COL9A1: variants seen among roughly 807,000 people sequenced by gnomAD.
COL9A1 encodes collagen type IX alpha 1 chain.
Under a neutral mutation model 142.6 loss-of-function variants are expected in COL9A1, and 104 were observed. The ratio of observed to expected loss-of-function variants is 0.73; its 90% CI spans 0.62 to 0.86. The LOEUF is 0.86. Among genes scored for constraint, COL9A1 ranks in the 40% least tolerant of loss-of-function variants. COL9A1 has a pLI of 0.00. For synonymous variants in COL9A1, 466 were observed against 396.0 expected (o/e 1.18, Z -2.10); for missense variants, 1,210 against 1,176.6 (o/e 1.03, Z -0.42).
chr6:70,242,274 A>C, intron 29 of COL9A1: 1 of 593,126 alleles, frequency 1.7e-6, no homozygotes. Flanking sequence ...CCTTGGCAAC[A>C]GTAGGCTTTT....
chr6:70,268,966 C>A (rs1281159036), intron 16 of COL9A1, 106 bp from the exon 17 acceptor site: 1 of 848,482 alleles, frequency 1.2e-6, no homozygotes, highest in Non-Finnish European at 2.0e-6. Flanking sequence ...AGTTACAGAA[C>A]TCCATTGCAA....
intron 4 of COL9A1, among the ~76,000 whole-genome samples, 160 bp downstream of exon 4, chr6:70,299,883 T>C (rs1773991891): frequency 6.6e-6 from 1 of 152,216 alleles, no homozygotes; most frequent in African/African-American, 2.4e-5. Context: ...AAATGCAGTA[T>C]TAAGGTACTG....
At chr6:70,275,543 T>G (rs940996976) in intron 10 of COL9A1, among the ~76,000 whole-genome samples, 1 of 152,082 alleles carries the variant, frequency 6.6e-6, no homozygotes, top group African/African-American at 2.4e-5. Context: ...TTCTAAACAT[T>G]CTCATTTTCC....
intron 37 of COL9A1, among the ~76,000 whole-genome samples, chr6:70,218,817 A>C (rs1768696130): frequency 6.6e-6 from 1 of 151,184 alleles, no homozygotes; most frequent in Admixed American, 6.6e-5. Flanking sequence ...CCTCTGGTGC[A>C]TACACTTCGA....
intron 10 of COL9A1, chr6:70,280,558 C>G: frequency 1.4e-6 from 2 of 1,395,208 alleles, no homozygotes; most frequent in Non-Finnish European, 1.9e-6. Context: ...GACAGGAAGC[C>G]AGTACCCGCT....
chr6:70,236,146 A>G (rs1769896335), intron 33 of COL9A1, among the ~76,000 whole-genome samples: 1 of 149,036 alleles, frequency 6.7e-6, no homozygotes, highest in Non-Finnish European at 1.5e-5. Flanking sequence ...AAAAAACTTG[A>G]CCAAAGAAAG....
In COL9A1 at chr6:70,281,411, A is replaced by C; in HGVS notation, c.855T>G (p.Val285=). 6.2e-7 allele frequency: 1 copy of C among 1,613,538 alleles called. No individual in the cohort carries two copies. Among genetic ancestry groups the C allele is most frequent in the Non-Finnish European group, 8.5e-7 (1 of 1,179,856 alleles). Residue 285 remains valine, a synonymous_variant, in exon 8 of 38, where the codon GTT becomes GTG. Coordinates refer to ENST00000357250, the MANE Select transcript of COL9A1 (RefSeq NM_001851.6). ...GPPGPPGPPG[V]PGIDGIDGDR... is the part of the protein sequence containing the mutation. ...TTACGTCGATGCCATCGATGCCTGGAACTCCAGGGGGGCCCGGAGGCCCGG... is the reference window on the plus strand; with the variant it reads ...TTACGTCGATGCCATCGATGCCTGGCACTCCAGGGGGGCCCGGAGGCCCGG...
At chr6:70,258,440 C>T (rs1047706567) in intron 20 of COL9A1, 1 of 152,164 alleles carries the variant, frequency 6.6e-6, no homozygotes. Context: ...AAGGTTCAGA[C>T]ATAGGTAGAA....
At chr6:70,296,175 T>C (rs971763966) in intron 4 of COL9A1, among the ~76,000 whole-genome samples, 3 of 152,216 alleles carry the variant, frequency 2.0e-5, no homozygotes, top group African/African-American at 7.2e-5. Flanking sequence ...ATTTTATCAC[T>C]TTGTTAGTTT....
Position 70,288,199 on chromosome 6 carries a change from A to G in COL9A1, c.697-4379T>C, listed in dbSNP as rs551669024. On this transcript the variant is annotated intron_variant, in intron 5 of 37. Transcript: ENST00000357250. ...TCATGTCAGTAAATGGCACGTCTAT[A>G]CTTCCAATTACTCGCGCCTAAAGTA... Among the ~76,000 whole-genome samples the G allele has an allele frequency of 2.0e-5, 3 of 152,312 alleles. No individual in the cohort carries two copies. In the South Asian group the frequency reaches 6.2e-4, roughly 32 times the overall value.
At chr6:70,254,408 C>T in intron 25 of COL9A1, 68 bp downstream of exon 25, 1 of 1,442,396 alleles carries the variant, frequency 6.9e-7, no homozygotes, top group Non-Finnish European at 9.8e-7. Flanking sequence ...TAGCATGTCT[C>T]TCCCCAAAAT....
At chr6:70,281,227 A>C (rs567952052) in intron 8 of COL9A1, among the ~76,000 whole-genome samples, 163 bp downstream of exon 8, 53 of 149,604 alleles carry the variant, frequency 3.5e-4, no homozygotes, top group African/African-American at 1.2e-3. Context: ...CTAGGATCCT[A>C]CCCCCAACTC....
chr6:70,266,628 A>G, intron 18 of COL9A1, 89 bp downstream of exon 18: 2 of 1,060,276 alleles, frequency 1.9e-6, no homozygotes, highest in Admixed American at 1.7e-5. Flanking sequence ...ATCGAGGTTC[A>G]TTATTTCCTA....
chr6:70,295,874 C>T lies in COL9A1; in HGVS notation c.300-1311G>A, dbSNP rs556670846. Among the ~76,000 whole-genome samples the T allele has an allele frequency of 4.5e-4, 69 of 152,222 alleles. 2 individuals are homozygous for T. The South Asian group carries it at 5.8e-3, about 13-fold the overall frequency. On this transcript the variant is annotated intron_variant, in intron 4 of 37. Coordinates refer to ENST00000357250, the MANE Select transcript of COL9A1 (RefSeq NM_001851.6). The stretch of plus-strand genomic sequence containing the variant: ...TTCTAAGCGTAGAAAAATTCCTAAG[C>T]AAGGAAGAAATGCTAGGCAAACTAA...
At position 70,254,533 on chromosome 6, in the gene COL9A1, C is replaced by CA. The variant is rs1583267975; in HGVS notation, c.1666-5dup. The CA allele has an allele frequency of 1.2e-6, 2 of 1,613,726 alleles. No homozygotes were observed. Among genetic ancestry groups the CA allele is most frequent in the Non-Finnish European group, 1.7e-6 (2 of 1,179,838 alleles). On this transcript the variant is annotated splice_polypyrimidine_tract_variant and splice_region_variant and intron_variant, in intron 24 of 37. Coordinates refer to ENST00000357250, the MANE Select transcript of COL9A1 (RefSeq NM_001851.6). ...GCCCAGGTTTTCCTGGTTCACCCTGCAAAAAAAGCTTTTATCACATGATTG... is the reference window on the plus strand; with the variant it reads ...GCCCAGGTTTTCCTGGTTCACCCTGCAAAAAAAAGCTTTTATCACATGATTG...
intron 36 of COL9A1, among the ~76,000 whole-genome samples, chr6:70,226,470 T>C (rs528468693): frequency 6.8e-4 from 103 of 152,212 alleles, no homozygotes; most frequent in African/African-American, 2.4e-3. Flanking sequence ...GATATGAATA[T>C]ATATCTTAAA....
rs201520437 is a variant in COL9A1, at chr6:70,217,045, C to A, written c.2618G>T (p.Arg873Leu). 7 of 1,614,192 alleles carry A rather than the reference C, an allele frequency of 4.3e-6. No individual in the cohort carries two copies. Among genetic ancestry groups the A allele is most frequent in the Non-Finnish European group, 5.1e-6 (6 of 1,180,036 alleles). ...CCCTGGGGGGCCTCGCTCACCGTCT[C>A]GGCCATTTCTGCCATAGCTGGCAGG... ...PGPASYGRNG[R>L]DGERGPPGVA... The change falls in exon 38 of 38, where the codon CGA (arginine) becomes CTA (leucine). Residue 873 changes from arginine to leucine, a missense_variant. Transcript: ENST00000357250.
At chr6:70,280,731 C>CA in intron 10 of COL9A1, 81 bp downstream of exon 10, 4 of 1,451,836 alleles carry the variant, frequency 2.8e-6, no homozygotes, top group Non-Finnish European at 2.8e-6. Context: ...CTCTCTCTCC[C>CA]TCCCCCCCCA....
chr6:70,294,567 A>T lies in COL9A1; in HGVS notation c.300-4T>A. ...CAGTCCACTGGGATATAAATTCCTG[A>T]GTAAAATTTTTAAATAGTAAACATG... is the stretch of plus-strand genomic sequence containing the variant. On this transcript the variant is annotated splice_region_variant and splice_polypyrimidine_tract_variant and intron_variant, in intron 4 of 37. Transcript: ENST00000357250. 6.2e-7 allele frequency: 1 copy of T among 1,613,730 alleles called. No homozygotes were observed. Among genetic ancestry groups the T allele is most frequent in the Non-Finnish European group, 8.5e-7 (1 of 1,179,782 alleles).
Sources: gnomAD v4.1 joint callset for allele counts (sites outside exome capture counted in the v4.1 genomes callset) on GRCh38, gnomAD v4.1.1 for gene constraint, MANE v1.5 for transcripts, NCBI Gene and HGNC (gene_info 2026-07-23, HGNC 2026-07-21) for gene names.